SUV39H1: variants seen among roughly 807,000 people sequenced by gnomAD.
SUV39H1 encodes the protein histone-lysine N-methyltransferase SUV39H1.
For missense variants in SUV39H1, 180 were observed against 386.3 expected (o/e 0.47, Z 4.48); for synonymous variants, 141 against 150.5 (o/e 0.94, Z 0.46).
intron 3 of SUV39H1, 117 bp downstream of exon 3, chrX:48,700,870 T>C (rs782738788): frequency 2.0e-5 from 18 of 905,215 alleles, no homozygotes; most frequent in Non-Finnish European, 2.5e-5. Flanking sequence ...GGGAAAGGCC[T>C]GGGAGACTGA....
intron 5 of SUV39H1, 35 bp downstream of exon 5, chrX:48,706,662 C>T: frequency 1.7e-6 from 2 of 1,174,965 alleles, no homozygotes; most frequent in South Asian, 3.9e-5. Flanking sequence ...CAGGGGCGCA[C>T]TGTGACTTGG....
At chrX:48,695,946 G>A (rs2062453027), upstream of SUV39H1, 1 of 1,119,193 alleles carries the variant, frequency 8.9e-7, no homozygotes, top group South Asian at 1.9e-5. Flanking sequence ...TGTTGTGACT[G>A]ATCGTGGTGT....
chrX:48,700,026 C>CT (rs782512195), intron 2 of SUV39H1, 65 bp from the exon 3 acceptor site: 82 of 1,004,712 alleles, frequency 8.2e-5, no homozygotes, highest in Non-Finnish European at 1.1e-4. Flanking sequence ...ATGGAAGCCC[C>CT]ATGAAGGCTG....
intron 3 of SUV39H1, among the ~76,000 whole-genome samples, chrX:48,702,804 T>C (rs1421197876): frequency 3.6e-5 from 4 of 111,571 alleles, no homozygotes; most frequent in Non-Finnish European, 7.5e-5. Context: ...ACATTCTTGC[T>C]GCACTATTTC....
chrX:48,704,195 CCAAT>C (rs1169130035), intron 3 of SUV39H1, among the ~76,000 whole-genome samples: 1 of 111,219 alleles, frequency 9.0e-6, no homozygotes. Flanking sequence ...TCAGGGTTGA[CCAAT>C]CATTAGAGAA....
chrX:48,701,114 C>T (rs2062473898), intron 3 of SUV39H1, among the ~76,000 whole-genome samples: 1 of 111,594 alleles, frequency 9.0e-6, no homozygotes, highest in Non-Finnish European at 1.9e-5. Context: ...ACTTCCTCTT[C>T]TCATTTCACA....
At position 48,707,751 on chromosome X, in the gene SUV39H1, C is replaced by T; in HGVS notation, c.*181C>T. 2 of 554,983 alleles carry T rather than the reference C, an allele frequency of 3.6e-6. No individual in the cohort carries two copies. Among genetic ancestry groups the T allele is most frequent in the Non-Finnish European group, 6.1e-6 (2 of 328,481 alleles). The allele number at this position is 554,983 out of a possible 1,213,427, so 45.7% of individuals were successfully genotyped here. Reference sequence around the variant, plus strand: ...TGGTGAGGACCGACTCCAGGAGTCCCCTTTCCCTGTCCCAGCCCCATCTGT... The same window carrying T: ...TGGTGAGGACCGACTCCAGGAGTCCTCTTTCCCTGTCCCAGCCCCATCTGT... On this transcript the variant is annotated 3_prime_UTR_variant, in exon 6 of 6. Coordinates refer to ENST00000376687, the MANE Select transcript of SUV39H1 (RefSeq NM_003173.4).
intron 1 of SUV39H1, among the ~76,000 whole-genome samples, chrX:48,698,330 G>C (rs1389887862): frequency 8.9e-6 from 1 of 111,832 alleles, no homozygotes; most frequent in African/African-American, 3.3e-5. Flanking sequence ...CACGCTGGGG[G>C]TGTTAGGTGA....
intron 3 of SUV39H1, chrX:48,701,049 C>T (rs782595872): frequency 2.8e-4 from 108 of 389,765 alleles, no homozygotes; most frequent in African/African-American, 2.4e-3. Context: ...GCAGCCTTAG[C>T]ATTCCTTGTA....
chrX:48,707,349 G>C, intron 5 of SUV39H1, 88 bp from the exon 6 acceptor site: 1 of 999,580 alleles, frequency 1.0e-6, no homozygotes, highest in Non-Finnish European at 1.4e-6. Flanking sequence ...CAAGTCCCCT[G>C]CCTCCTTCCC....
At chrX:48,701,410 C>T (rs781939341) in intron 3 of SUV39H1, among the ~76,000 whole-genome samples, 36 of 112,231 alleles carry the variant, frequency 3.2e-4, no homozygotes, top group Admixed American at 2.0e-3. Flanking sequence ...AACTGGGACA[C>T]CTAGGCTCTT....
In SUV39H1 at chrX:48,698,922, T is replaced by C; in HGVS notation, c.40T>C (p.Ser14Pro). 8.3e-7 allele frequency: 1 copy of C among 1,210,458 alleles called. No individual in the cohort carries two copies. Among genetic ancestry groups the C allele is most frequent in the Non-Finnish European group, 1.1e-6 (1 of 894,975 alleles). ...TCCAGGCTGCAGCGTGTGTTGCAAGTCTTCTTGGAATCAGCTGCAGGACCT... is the reference window on the plus strand; with the variant it reads ...TCCAGGCTGCAGCGTGTGTTGCAAGCCTTCTTGGAATCAGCTGCAGGACCT... ...NLKGCSVCCK[S>P]SWNQLQDLCR... Residue 14 changes from serine (S) to proline (P), a missense_variant, in exon 2 of 6, where the codon TCT becomes CCT. By Grantham distance (74) the Ser-to-Pro change is moderately conservative. Transcript: ENST00000376687.
Position 48,707,629 on chromosome X carries a change from C to G in SUV39H1, c.*59C>G. The G allele has an allele frequency of 1.7e-6, 2 of 1,181,171 alleles. No homozygotes were observed. Among genetic ancestry groups the G allele is most frequent in the Non-Finnish European group, 2.3e-6 (2 of 870,873 alleles). On this transcript the variant is annotated 3_prime_UTR_variant, in exon 6 of 6. Transcript: ENST00000376687. ...GGCCTGAAGCTACATGCACCTCCCC[C>G]ACTGCTGCCCTCCTGTCGAGAATGA...
At position 48,700,077 on chromosome X, in the gene SUV39H1, C is replaced by T. The variant is rs2062469207; in HGVS notation, c.166-14C>T. ...TACTTACGGTACCCCCGTCCCCCTA[C>T]CCACCCCCAACAGGAACAGGAATAT... On this transcript the variant is annotated splice_polypyrimidine_tract_variant and intron_variant, in intron 2 of 5. Transcript: ENST00000376687. 1.2e-6 allele frequency: 1 copy of T among 836,940 alleles called. No homozygotes were observed. 69.0% of individuals were successfully genotyped at this position (836,940 alleles called of 1,213,427 possible).
At chrX:48,707,115 C>G (rs1342107733) in intron 5 of SUV39H1, among the ~76,000 whole-genome samples, 1 of 109,120 alleles carries the variant, frequency 9.2e-6, no homozygotes, top group Non-Finnish European at 1.9e-5. Flanking sequence ...CCCTGCCCCC[C>G]CCCACACACC....
chrX:48,699,233 C>A, intron 2 of SUV39H1, 186 bp downstream of exon 2: 1 of 416,324 alleles, frequency 2.4e-6, no homozygotes, highest in Non-Finnish European at 3.9e-6. Context: ...GCTTTCTGGG[C>A]AGGAGCCGGA....
At chrX:48,699,330 G>A (rs2062466588) in intron 2 of SUV39H1, among the ~76,000 whole-genome samples, 1 of 111,849 alleles carries the variant, frequency 8.9e-6, no homozygotes, top group African/African-American at 3.3e-5. Flanking sequence ...GAGTGGAAAT[G>A]TCAATAGCTA....
At chrX:48,702,365 G>C (rs2062477593) in intron 3 of SUV39H1, among the ~76,000 whole-genome samples, 1 of 111,994 alleles carries the variant, frequency 8.9e-6, no homozygotes, top group Non-Finnish European at 1.9e-5. Context: ...TGTCATGACA[G>C]GAAAAAGAAG....
chrX:48,696,515 C>G (rs2062455595), upstream of SUV39H1: 1 of 287,768 alleles, frequency 3.5e-6, no homozygotes, highest in African/African-American at 2.9e-5. Context: ...GACCAGCGCA[C>G]GGGCAGGGCC....
Sources: allele counts gnomAD v4.1 joint callset (sites outside exome capture counted in the v4.1 genomes callset), GRCh38; gene constraint gnomAD v4.1.1; transcripts MANE v1.5; gene names NCBI Gene and HGNC (gene_info 2026-07-23, HGNC 2026-07-21).